The following KLF8 variants were observed in gnomAD, a reference collection of about 807,000 sequenced individuals.
The protein encoded by KLF8 is KLF transcription factor 8, also known as Krueppel-like factor 8.
KLF8 carries 10 observed loss-of-function variants against 18.2 expected under a neutral mutation model. The observed-to-expected ratio is 0.55, with a 90% CI of 0.34 to 0.93. KLF8 has a LOEUF of 0.93. Ranked by LOEUF, KLF8 falls within the 40% of genes least tolerant of loss-of-function variation. KLF8 has a pLI of 0.02. For missense variants in KLF8, 264 were observed against 277.9 expected (o/e 0.95, Z 0.36); for synonymous variants, 109 against 97.3 (o/e 1.12, Z -0.71).
the KLF8 span, among the ~76,000 whole-genome samples, chrX:55,955,480 ATG>A: frequency 1.2e-5 from 1 of 80,007 alleles, no homozygotes; most frequent in African/African-American, 2.1e-4. Context: ...CATCTGCTTT[ATG>A]TTTTTAAAGG....
chrX:55,934,221 A>G, the KLF8 span, among the ~76,000 whole-genome samples: 2 of 111,719 alleles, frequency 1.8e-5, no homozygotes, highest in African/African-American at 6.5e-5. Context: ...TCTGTTACCT[A>G]TCAGAGTCAT....
the KLF8 span, among the ~76,000 whole-genome samples, chrX:56,027,390 A>T: frequency 8.9e-6 from 1 of 111,826 alleles, no homozygotes; most frequent in Non-Finnish European, 1.9e-5. Flanking sequence ...CACTGCCTCT[A>T]ATAATTGTAG....
At chrX:56,204,764 C>T in the KLF8 span, among the ~76,000 whole-genome samples, 1 of 110,853 alleles carries the variant, frequency 9.0e-6, no homozygotes, top group Non-Finnish European at 1.9e-5. Flanking sequence ...GTAAGTTGCC[C>T]AGCAAAATAC....
the KLF8 span, among the ~76,000 whole-genome samples, chrX:56,105,440 G>C: frequency 2.6e-3 from 289 of 111,348 alleles, 2 homozygotes; most frequent in South Asian, 0.011. Flanking sequence ...AGCTCTTCTT[G>C]TTGAACTGAT....
chrX:56,152,555 G>A, the KLF8 span, among the ~76,000 whole-genome samples: 1 of 111,190 alleles, frequency 9.0e-6, no homozygotes, highest in Non-Finnish European at 1.9e-5. Context: ...TCTCAAAGTG[G>A]CACTTTTTCA....
the KLF8 span, among the ~76,000 whole-genome samples, chrX:56,162,332 T>A: frequency 3.6e-5 from 4 of 110,829 alleles, no homozygotes; most frequent in South Asian, 3.8e-4. Flanking sequence ...CAGAGTTTTC[T>A]GCTGCCTTTT....
chrX:55,997,556 C>T, the KLF8 span, among the ~76,000 whole-genome samples: 1 of 111,571 alleles, frequency 9.0e-6, no homozygotes, highest in Admixed American at 9.5e-5. Flanking sequence ...GGATTCCCAG[C>T]TTTTTCTCCC....
At chrX:56,229,600 A>C (rs2066388339), upstream of KLF8, among the ~76,000 whole-genome samples, 1 of 111,946 alleles carries the variant, frequency 8.9e-6, no homozygotes, top group Non-Finnish European at 1.9e-5. Context: ...GTCAAGAGTA[A>C]AAGAATATAA....
chrX:55,929,156 C>T, the KLF8 span, among the ~76,000 whole-genome samples: 2 of 112,205 alleles, frequency 1.8e-5, no homozygotes, highest in Non-Finnish European at 3.8e-5. Flanking sequence ...ATTTGTTGGC[C>T]GCATAAATGT....
the KLF8 span, among the ~76,000 whole-genome samples, chrX:56,037,112 G>A: frequency 9.0e-6 from 1 of 111,370 alleles, no homozygotes; most frequent in African/African-American, 3.3e-5. Context: ...TGTACAATTT[G>A]ACACCCTCCT....
At chrX:56,056,481 G>C in the KLF8 span, among the ~76,000 whole-genome samples, 1 of 108,000 alleles carries the variant, frequency 9.3e-6, no homozygotes, top group Non-Finnish European at 1.9e-5. Flanking sequence ...AAAAAATGAT[G>C]AGTTCATGTC....
At chrX:56,088,390 G>T in the KLF8 span, among the ~76,000 whole-genome samples, 1 of 111,211 alleles carries the variant, frequency 9.0e-6, no homozygotes, top group African/African-American at 3.3e-5. Flanking sequence ...TTTGTTTACA[G>T]GATATTGAGT....
chrX:56,132,413 C>T, the KLF8 span, among the ~76,000 whole-genome samples: 2 of 111,180 alleles, frequency 1.8e-5, no homozygotes, highest in African/African-American at 3.3e-5. Context: ...AATGAAGAGG[C>T]AAATACAAAA....
chrX:55,963,053 A>C, the KLF8 span, among the ~76,000 whole-genome samples: 1 of 112,429 alleles, frequency 8.9e-6, no homozygotes, highest in Non-Finnish European at 1.9e-5. Context: ...ATTTAAGAAA[A>C]AGAGAAGGCT....
the KLF8 span, among the ~76,000 whole-genome samples, chrX:56,029,188 G>A: frequency 0.019 from 2,064 of 110,457 alleles, 24 homozygotes; most frequent in Non-Finnish European, 0.029. Flanking sequence ...AGCTAGTGCC[G>A]GTTTTATCTC....
the KLF8 span, among the ~76,000 whole-genome samples, chrX:56,199,674 G>A: frequency 1.8e-5 from 2 of 111,655 alleles, no homozygotes; most frequent in African/African-American, 3.3e-5. Flanking sequence ...AGAGTGTGGC[G>A]ATTTTTCAAG....
chrX:56,049,944 C>T, the KLF8 span, among the ~76,000 whole-genome samples: 7 of 109,780 alleles, frequency 6.4e-5, no homozygotes, highest in African/African-American at 2.3e-4. Context: ...ACAATTTCAG[C>T]TCCTGTTATT....
chrX:56,250,123 C>A (rs1206295121), intron 1 of KLF8, 108 bp from the exon 2 acceptor site: 1 of 534,981 alleles, frequency 1.9e-6, no homozygotes, highest in African/African-American at 2.3e-5. Context: ...ATCTGGTAAG[C>A]ACTGAAAGAT....
chrX:56,210,855 A>AT, the KLF8 span, among the ~76,000 whole-genome samples: 1 of 108,605 alleles, frequency 9.2e-6, no homozygotes, highest in African/African-American at 3.3e-5. Flanking sequence ...TGCCAATTGC[A>AT]TTTTTCAGCT....
Sources: allele counts gnomAD v4.1 joint callset (sites outside exome capture counted in the v4.1 genomes callset), GRCh38; gene constraint gnomAD v4.1.1; transcripts MANE v1.5; gene names NCBI Gene and HGNC (gene_info 2026-07-23, HGNC 2026-07-21).